The following ZNF816 variants were observed in gnomAD, a reference collection of about 807,000 sequenced individuals.
ZNF816 encodes the protein zinc finger protein 816, also known as zinc finger protein 816A.
In ZNF816, 11 loss-of-function variants were observed where a neutral mutation model predicts 8.3. The observed-to-expected ratio is 1.32, with a 90% CI of 0.83 to 2.19. The LOEUF (loss-of-function observed/expected upper bound fraction) is 2.19. Among genes scored for constraint, ZNF816 ranks in the 30% most tolerant of loss-of-function variants. The pLI is 0.00. For missense variants in ZNF816, 710 were observed against 779.3 expected, an observed-to-expected ratio of 0.91 and a Z score of 1.06; for synonymous variants, 255 against 254.5, an observed-to-expected ratio of 1.00 and a Z score of -0.02.
intron 2 of ZNF816, among the ~76,000 whole-genome samples, chr19:52,954,827 A>C (rs1364536565): frequency 6.6e-6 from 1 of 151,796 alleles, no homozygotes; most frequent in Non-Finnish European, 1.5e-5. Context: ...AAAAAAAAAA[A>C]AAAACCCCAT....
chr19:52,961,804 T>C (rs2122179243), intron 1 of ZNF816, among the ~76,000 whole-genome samples: 1 of 152,348 alleles, frequency 6.6e-6, no homozygotes, highest in Admixed American at 6.5e-5. Context: ...ATGTTGCTTC[T>C]TGTTATGTAC....
chr19:52,951,934 T>C (rs916920164), intron 3 of ZNF816: 10 of 410,854 alleles, frequency 2.4e-5, no homozygotes, highest in Admixed American at 4.1e-5. Flanking sequence ...GCCTCATATA[T>C]ATGAGGCAGT....
In ZNF816 at chr19:52,956,054, T is replaced by A; in HGVS notation, c.36A>T (p.Glu12Asp). Residue 12 changes from glutamate (E) to aspartate (D), a missense_variant, in exon 2 of 4, where the codon GAA becomes GAT. Glu to Asp is a conservative substitution (Grantham distance 45, BLOSUM62 2). Transcript: ENST00000444460. ...GAGGAAGAGCCATCCCTGGCTCCTT[T>A]TCTTTGCTCTTCTTGGTGGCTTCCT... ...LREEATKKSK[E>D]KEPGMALPQG... 6.2e-7 allele frequency: 1 copy of A among 1,611,884 alleles called. No homozygotes were observed. Among genetic ancestry groups the A allele is most frequent in the Non-Finnish European group, 8.5e-7 (1 of 1,179,436 alleles).
intron 2 of ZNF816, chr19:52,953,375 A>C (rs1013622661): frequency 8.9e-6 from 2 of 223,966 alleles, no homozygotes; most frequent in African/African-American, 5.0e-5. Flanking sequence ...CTTGGGCTGC[A>C]GAGTAGGACT....
In ZNF816 at chr19:52,950,208, G is replaced by A. The variant is rs1297302591; in HGVS notation, c.1567C>T (p.His523Tyr). 6.2e-7 allele frequency: 1 copy of A among 1,613,738 alleles called. No individual in the cohort carries two copies. Among genetic ancestry groups the A allele is most frequent in the East Asian group, 2.2e-5 (1 of 44,820 alleles). Residue 523 changes from histidine (H) to tyrosine (Y), a missense_variant, in exon 4 of 4, where the codon CAC (histidine) becomes TAC (tyrosine). By Grantham distance (83) the His-to-Tyr change is moderately conservative (BLOSUM62 2). Transcript: ENST00000444460. ...TGAATTCTCCTATGTCTTTCAAGGT[G>A]TGATCTGCGACTGAAAACTTTGTCA... ...ECDKVFSRRS[H>Y]LERHRRIHTG...
intron 2 of ZNF816, among the ~76,000 whole-genome samples, chr19:52,955,268 T>C (rs894532143): frequency 2.0e-5 from 3 of 152,226 alleles, no homozygotes; most frequent in Admixed American, 6.5e-5. Context: ...TGCAGTTAGA[T>C]ATTTATATTG....
intron 1 of ZNF816, chr19:52,956,338 G>C (rs2083510296): frequency 2.3e-6 from 1 of 434,362 alleles, no homozygotes; most frequent in Admixed American, 3.9e-5. Flanking sequence ...CGCTGCAGCA[G>C]GACACAGATC....
intron 2 of ZNF816, among the ~76,000 whole-genome samples, chr19:52,953,599 TATA>T (rs200714373): frequency 0.46 from 60,015 of 131,132 alleles, 16,384 homozygotes; most frequent in African/African-American, 0.77. Context: ...CAATATTATA[TATA>T]ATATGTATTT....
intron 1 of ZNF816, among the ~76,000 whole-genome samples, chr19:52,956,499 G>T (rs1406701104): frequency 2.0e-5 from 3 of 152,198 alleles, no homozygotes; most frequent in African/African-American, 4.8e-5. Flanking sequence ...CAGTGCCATT[G>T]TAAGTATTAT....
chr19:52,950,935 A>G lies in ZNF816; in HGVS notation c.840T>C (p.Thr280=). The change falls in exon 4 of 4, where the codon ACT becomes ACC. Residue 280 remains threonine (T), a synonymous_variant. Transcript: ENST00000444460. ...CATTACACTTGTAAGTTTTCTCACC[A>G]GTGTGACATCTATGATGATATACAA... The part of the protein sequence containing the change: ...QYIVYHHRCH[T]GEKTYKCNEC... 2 of 1,614,192 alleles carry G rather than the reference A, an allele frequency of 1.2e-6. No homozygotes were observed. The highest frequency in any genetic ancestry group is 1.7e-6 in the Non-Finnish European group (2 of 1,180,024).
At chr19:52,953,260 G>A in intron 2 of ZNF816, 2 of 277,838 alleles carry the variant, frequency 7.2e-6, no homozygotes, top group African/African-American at 2.4e-5. Context: ...AGGTGTGGTG[G>A]CACACGCCTC....
At chr19:52,951,887 A>C in intron 3 of ZNF816, 1 of 415,732 alleles carries the variant, frequency 2.4e-6, no homozygotes, top group Non-Finnish European at 4.2e-6. Flanking sequence ...AACAAGAGCA[A>C]AATTCTGTGT....
intron 2 of ZNF816, among the ~76,000 whole-genome samples, chr19:52,953,869 G>A (rs866393053): frequency 9.4e-5 from 14 of 149,038 alleles, no homozygotes; most frequent in South Asian, 6.3e-4. Context: ...GCAAAACTCC[G>A]TATCTACTAA....
intron 2 of ZNF816, among the ~76,000 whole-genome samples, chr19:52,953,993 G>A (rs8111514): frequency 0.47 from 67,510 of 144,620 alleles, 18,678 homozygotes; most frequent in African/African-American, 0.79. Flanking sequence ...GTAAGCCAAG[G>A]TCACACCATT....
In ZNF816 at chr19:52,950,129, T is replaced by C; in HGVS notation, c.1646A>G (p.Asp549Gly). Residue 549 changes from aspartate to glycine, a missense_variant, in exon 4 of 4, where the codon GAT becomes GGT. Transcript: ENST00000444460. ...TCTCGTATGGTTTGCAAGGCATGAA[T>C]CACTCCGGAAAGCCTTGTCACAAAC... ...CKVCDKAFRS[D>G]SCLANHTRVH... 6.2e-7 allele frequency: 1 copy of C among 1,614,110 alleles called. No individual in the cohort carries two copies. Among genetic ancestry groups the C allele is most frequent in the Non-Finnish European group, 8.5e-7 (1 of 1,179,986 alleles).
In ZNF816 at chr19:52,953,392, C is replaced by CA. The variant is rs572790920; in HGVS notation, c.64-516dup. On this transcript the variant is annotated intron_variant, in intron 2 of 3. Transcript: ENST00000444460. The stretch of plus-strand genomic sequence containing the variant: ...TGGGCTGCAGAGTAGGACTCCATCT[C>CA]AAAAAAAAAAAGAAAAAAAATATAT... The CA allele has an allele frequency of 7.2e-3, 944 of 130,972 alleles. 5 individuals are homozygous for CA. Among genetic ancestry groups the CA allele is most frequent in the South Asian group, 0.03 (240 of 7,908 alleles). 8.1% of individuals were successfully genotyped at this position (130,972 alleles called of 1,614,324 possible).
intron 2 of ZNF816, chr19:52,953,149 A>C: frequency 2.7e-6 from 1 of 368,502 alleles, no homozygotes; most frequent in Non-Finnish European, 4.6e-6. Flanking sequence ...AAATCCCAGC[A>C]CTTTGTGAGA....
chr19:52,953,347 C>G (rs760960473), intron 2 of ZNF816: 3 of 308,904 alleles, frequency 9.7e-6, no homozygotes, highest in South Asian at 5.0e-5. Context: ...GAGCCAAGAT[C>G]GTGCCATTGC....
In ZNF816 at chr19:52,952,811, C is replaced by A; in HGVS notation, c.130G>T (p.Ala44Ser). 1 of 1,613,932 alleles carries A rather than the reference C, an allele frequency of 6.2e-7. No individual in the cohort carries two copies. Among genetic ancestry groups the A allele is most frequent in the South Asian group, 1.1e-5 (1 of 91,068 alleles). The part of the protein sequence containing the change: ...SLEEWKCLNP[A>S]QRALYRAVML... Reference sequence around the variant, plus strand: ...ACAGCCCTGTATAAAGCCCTCTGTGCAGGGTTCAGGCATTTCCACTCCTCC... The same window carrying A: ...ACAGCCCTGTATAAAGCCCTCTGTGAAGGGTTCAGGCATTTCCACTCCTCC... Residue 44 changes from alanine to serine, a missense_variant, in exon 3 of 4, where the codon GCA becomes TCA. Ala to Ser is a moderately conservative substitution (Grantham distance 99, BLOSUM62 1). Coordinates refer to ENST00000444460, the MANE Select transcript of ZNF816 (RefSeq NM_001202457.3).
Sources: gnomAD v4.1 joint callset for allele counts (sites outside exome capture counted in the v4.1 genomes callset) on GRCh38, gnomAD v4.1.1 for gene constraint, MANE v1.5 for transcripts, NCBI Gene and HGNC (gene_info 2026-07-23, HGNC 2026-07-21) for gene names.